Variants in ATL2 observed in about 807,000 individuals in gnomAD.
ATL2 encodes atlastin-2.
In ATL2, 31 loss-of-function variants were observed where a neutral mutation model predicts 73.9. That is an observed-to-expected ratio of 0.42 (90% CI 0.32 to 0.57). The LOEUF (loss-of-function observed/expected upper bound fraction) is 0.57. Ranked by LOEUF, ATL2 falls within the 20% of genes least tolerant of loss-of-function variation. The probability of loss-of-function intolerance (pLI) is 0.14; values close to 1 mark genes in which losing one functional copy is unlikely to be tolerated. For missense variants in ATL2, 738 were observed against 702.6 expected, an observed-to-expected ratio of 1.05 and a Z score of -0.57; for synonymous variants, 291 against 237.5, an observed-to-expected ratio of 1.23 and a Z score of -2.07.
chr2:38,313,033 C>A, intron 7 of ATL2, 118 bp downstream of exon 7: 1 of 642,380 alleles, frequency 1.6e-6, no homozygotes. Flanking sequence ...TTGGGCTAAC[C>A]TGGAATACTT....
chr2:38,331,214 C>G (rs1668970476), intron 2 of ATL2, among the ~76,000 whole-genome samples: 1 of 151,970 alleles, frequency 6.6e-6, no homozygotes, highest in African/African-American at 2.4e-5. Flanking sequence ...GTGGGCGGAT[C>G]ACGAGGTCAA....
At chr2:38,371,771 G>C (rs544659849) in intron 1 of ATL2, among the ~76,000 whole-genome samples, 1 of 151,962 alleles carries the variant, frequency 6.6e-6, no homozygotes, top group African/African-American at 2.4e-5. Context: ...GGTGGCACGC[G>C]TCTGTAGTCC....
At chr2:38,364,829 G>C (rs1014471453) in intron 1 of ATL2, among the ~76,000 whole-genome samples, 1 of 152,144 alleles carries the variant, frequency 6.6e-6, no homozygotes, top group Non-Finnish European at 1.5e-5. Context: ...TGGATCACGA[G>C]GTCAGGAGAT....
At chr2:38,313,065 C>T in intron 7 of ATL2, 86 bp downstream of exon 7, 3 of 860,012 alleles carry the variant, frequency 3.5e-6, no homozygotes, top group Non-Finnish European at 5.6e-6. Flanking sequence ...CACGTAAATA[C>T]TGGTAATGTG....
chr2:38,373,542 TA>T (rs1282799631), intron 1 of ATL2, among the ~76,000 whole-genome samples: 2 of 152,220 alleles, frequency 1.3e-5, no homozygotes, highest in African/African-American at 4.8e-5. Context: ...GTTAGTCTTT[TA>T]TGACTTAAAA....
intron 1 of ATL2, among the ~76,000 whole-genome samples, chr2:38,351,754 A>G (rs979480616): frequency 2.0e-5 from 3 of 151,660 alleles, no homozygotes; most frequent in Non-Finnish European, 4.4e-5. Flanking sequence ...CCGCCTCCCA[A>G]AGTGCTGGGA....
At chr2:38,355,981 G>A (rs1026106839) in intron 1 of ATL2, among the ~76,000 whole-genome samples, 3 of 151,766 alleles carry the variant, frequency 2.0e-5, no homozygotes, top group South Asian at 4.2e-4. Context: ...ACAGGCATGA[G>A]CCACCATGCC....
rs144803720 is a variant in ATL2, at chr2:38,334,685, C to G, written c.363+8583G>C. Among the ~76,000 whole-genome samples, 6 of 150,702 alleles carry G rather than the reference C, an allele frequency of 4.0e-5. No homozygotes were observed. The Admixed American group carries it at 4.0e-4, about 10-fold the overall frequency. ...TGCACTCCAGCCTGGGCAACATGAACGAAACTCCGTCTCAAACAAACAAAC... is the reference window on the plus strand; with the variant it reads ...TGCACTCCAGCCTGGGCAACATGAAGGAAACTCCGTCTCAAACAAACAAAC... On this transcript the variant is annotated intron_variant, in intron 2 of 12. Transcript: ENST00000378954.
intron 9 of ATL2, among the ~76,000 whole-genome samples, chr2:38,303,574 A>G (rs1667292879): frequency 6.6e-6 from 1 of 152,182 alleles, no homozygotes; most frequent in Non-Finnish European, 1.5e-5. Flanking sequence ...AGCTGAGACA[A>G]AAGAAAAAAG....
intron 2 of ATL2, among the ~76,000 whole-genome samples, chr2:38,342,183 G>C (rs1282660885): frequency 6.6e-6 from 1 of 151,722 alleles, no homozygotes; most frequent in Non-Finnish European, 1.5e-5. Context: ...CAATTGTCTG[G>C]TACCATCTCA....
intron 2 of ATL2, among the ~76,000 whole-genome samples, chr2:38,326,692 C>T (rs1330622050): frequency 6.6e-6 from 1 of 152,112 alleles, no homozygotes; most frequent in Non-Finnish European, 1.5e-5. Context: ...CTTCCCATTA[C>T]AAATCATGCA....
intron 1 of ATL2, among the ~76,000 whole-genome samples, chr2:38,371,183 G>C (rs60139255): frequency 0.11 from 16,591 of 151,224 alleles, 3,000 homozygotes; most frequent in African/African-American, 0.38. Flanking sequence ...CATTTATAGG[G>C]TTTATCTCTT....
chr2:38,335,674 C>CAT (rs201116346), intron 2 of ATL2, among the ~76,000 whole-genome samples: 15,657 of 151,438 alleles, frequency 0.1, 2,674 homozygotes, highest in African/African-American at 0.36. Context: ...GTTACTATAA[C>CAT]ATATATATAT....
At chr2:38,344,455 C>T (rs1669905579) in intron 1 of ATL2, among the ~76,000 whole-genome samples, 2 of 152,014 alleles carry the variant, frequency 1.3e-5, no homozygotes, top group South Asian at 4.1e-4. Flanking sequence ...ACTAAAAATA[C>T]AAAAATTAGC....
intron 6 of ATL2, among the ~76,000 whole-genome samples, chr2:38,313,571 T>C (rs1196764461): frequency 6.6e-6 from 1 of 152,200 alleles, no homozygotes; most frequent in Non-Finnish European, 1.5e-5. Context: ...GTTGTGTAAC[T>C]ACAAGACCAA....
intron 2 of ATL2, among the ~76,000 whole-genome samples, chr2:38,330,760 T>C (rs561999501): frequency 6.6e-6 from 1 of 152,244 alleles, no homozygotes. Flanking sequence ...CCCATATTCA[T>C]GGACTGTTAG....
At chr2:38,376,426 A>G in intron 1 of ATL2, 1 of 358,598 alleles carries the variant, frequency 2.8e-6, no homozygotes, top group Non-Finnish European at 4.9e-6. Context: ...AGGCCTTACT[A>G]TCGTCCAAGT....
chr2:38,322,879 T>C (rs1047347864), intron 2 of ATL2, among the ~76,000 whole-genome samples: 1 of 152,156 alleles, frequency 6.6e-6, no homozygotes, highest in Non-Finnish European at 1.5e-5. Flanking sequence ...AGACCCTGCC[T>C]CTATTTAACA....
intron 2 of ATL2, among the ~76,000 whole-genome samples, chr2:38,328,292 T>C (rs112490029): frequency 1.7e-3 from 264 of 152,244 alleles, no homozygotes; most frequent in Middle Eastern, 0.01. Flanking sequence ...AGAAATCCAA[T>C]AACATAGTCG....
Sources: gnomAD v4.1 joint callset for allele counts (sites outside exome capture counted in the v4.1 genomes callset) on GRCh38, gnomAD v4.1.1 for gene constraint, MANE v1.5 for transcripts, NCBI Gene and HGNC (gene_info 2026-07-23, HGNC 2026-07-21) for gene names.